The following TBC1D24 variants were observed in gnomAD, a reference collection of about 807,000 sequenced individuals.
TBC1D24 encodes the protein Infantile myoclonic epilepsy.
In TBC1D24, 47 loss-of-function variants were observed where a neutral mutation model predicts 50.7. That is an observed-to-expected ratio of 0.93 (90% CI 0.73 to 1.18). The LOEUF (loss-of-function observed/expected upper bound fraction) is 1.18, where lower values mean the gene tolerates loss of function less well. TBC1D24 is among the 50% of genes most tolerant of loss of function. The probability of loss-of-function intolerance (pLI) is 0.00; values close to 1 mark genes in which losing one functional copy is unlikely to be tolerated. For missense variants in TBC1D24, 688 were observed against 766.5 expected, an observed-to-expected ratio of 0.90 and a Z score of 1.21; for synonymous variants, 324 against 335.2, an observed-to-expected ratio of 0.97 and a Z score of 0.36.
intron 1 of TBC1D24, among the ~76,000 whole-genome samples, chr16:2,494,453 TG>T (rs2065721202): frequency 6.6e-6 from 1 of 151,864 alleles, no homozygotes; most frequent in African/African-American, 2.4e-5. Context: ...AGCATCTCTT[TG>T]CTCAAAGTGA....
chr16:2,500,223 C>A lies in TBC1D24; in HGVS notation c.1303-45C>A. 1 of 1,506,436 alleles carries A rather than the reference C, an allele frequency of 6.6e-7. No individual in the cohort carries two copies. Among genetic ancestry groups the A allele is most frequent in the Non-Finnish European group, 9.0e-7 (1 of 1,105,288 alleles). The allele number at this position is 1,506,436 out of a possible 1,614,324, so 93.3% of individuals were successfully genotyped here. On this transcript the variant is annotated intron_variant, in intron 6 of 7. Coordinates refer to ENST00000646147, the MANE Select transcript of TBC1D24 (RefSeq NM_001199107.2). The surrounding 1 kb of genome is among the most constrained non-coding windows in gnomAD (Gnocchi z 8.0). Reference sequence around the variant, plus strand: ...GGTTGTGGCTCTGGGGCAGAGGGGCCTGCGAACGCCCGCGCCAGCTCCTCA... The same window carrying A: ...GGTTGTGGCTCTGGGGCAGAGGGGCATGCGAACGCCCGCGCCAGCTCCTCA...
In TBC1D24 at chr16:2,496,443, A is replaced by G; in HGVS notation, c.295A>G (p.Thr99Ala). The change falls in exon 2 of 8, where the codon ACG becomes GCG. Residue 99 changes from threonine (T) to alanine (A), a missense_variant. Thr to Ala is a moderately conservative substitution (Grantham distance 58). Coordinates refer to ENST00000646147, the MANE Select transcript of TBC1D24 (RefSeq NM_001199107.2). Reference sequence around the variant, plus strand: ...GCCGCTGCCCGAGTTCGTGGACAACACGCAGGTGCCCAGCTACTGCCTGAA... The same window carrying G: ...GCCGCTGCCCGAGTTCGTGGACAACGCGCAGGTGCCCAGCTACTGCCTGAA... Reference protein sequence around the residue: ...CLPLPEFVDNTQVPSYCLNAR... With the variant: ...CLPLPEFVDNAQVPSYCLNAR... The G allele has an allele frequency of 6.2e-7, 1 of 1,612,670 alleles. No homozygotes were observed. The highest frequency in any genetic ancestry group is 1.1e-5 in the South Asian group (1 of 91,080).
chr16:2,486,329 G>A lies in TBC1D24; in HGVS notation c.-115-9705G>A, dbSNP rs142704595. 7.2e-5 allele frequency among the ~76,000 whole-genome samples: 11 copies of A among 152,258 alleles called. No homozygotes were observed. In the East Asian group the frequency reaches 1.5e-3, roughly 21 times the overall value. On this transcript the variant is annotated intron_variant, in intron 1 of 7. Coordinates refer to ENST00000646147, the MANE Select transcript of TBC1D24 (RefSeq NM_001199107.2). The surrounding 1 kb of genome is among the most constrained non-coding windows in gnomAD (Gnocchi z 5.8). ...TCATTTCCTCTTCCTCTTCATTCCC[G>A]GTCCCACTCCCAGGAAATGGTGAGG...
In TBC1D24 at chr16:2,499,561, A is replaced by C. The variant is rs2065773016; in HGVS notation, c.1206+141A>C. Reference sequence around the variant, plus strand: ...GAGTCAGAGCGTGGGTATGGCCAGCACATGGGGCTCATCCCACACTCAGGG... The same window carrying C: ...GAGTCAGAGCGTGGGTATGGCCAGCCCATGGGGCTCATCCCACACTCAGGG... On this transcript the variant is annotated intron_variant, in intron 5 of 7. Coordinates refer to ENST00000646147, the MANE Select transcript of TBC1D24 (RefSeq NM_001199107.2). This position sits in a 1 kb window ranked among gnomAD's most constrained non-coding sequence, Gnocchi z 4.0. 1.2e-6 allele frequency: 1 copy of C among 802,784 alleles called. No homozygotes were observed. Among genetic ancestry groups the C allele is most frequent in the Non-Finnish European group, 2.1e-6 (1 of 475,308 alleles). 49.7% of individuals were successfully genotyped at this position (802,784 alleles called of 1,614,324 possible).
chr16:2,491,157 A>C, intron 1 of TBC1D24, among the ~76,000 whole-genome samples: 1 of 152,218 alleles, frequency 6.6e-6, no homozygotes, highest in Non-Finnish European at 1.5e-5. Flanking sequence ...GTTTGGCAGG[A>C]TATATACCAA....
rs1596973014 is a variant in TBC1D24 at position 2,500,466 on chromosome 16, G to A, written c.1501G>A (p.Gly501Arg). ...CAAGACCGAGTCCATGTTCATGGCG[G>A]GGGGCAGCGACTGCCTCATCGTCGG... is the stretch of plus-strand genomic sequence containing the variant. ...PSKTESMFMA[G>R]GSDCLIVGGG... is the part of the protein sequence containing the mutation. The change falls in exon 7 of 8, where the codon GGG (glycine) becomes AGG (arginine). Residue 501 changes from glycine to arginine, a missense_variant. Transcript: ENST00000646147. The surrounding 1 kb of genome is among the most constrained non-coding windows in gnomAD (Gnocchi z 8.0). The A allele has an allele frequency of 3.2e-6, 5 of 1,580,544 alleles. No homozygotes were observed. The highest frequency in any genetic ancestry group is 4.3e-6 in the Non-Finnish European group (5 of 1,163,720).
Position 2,496,245 on chromosome 16 carries a change from C to A in TBC1D24, c.97C>A (p.Gln33Lys). The change falls in exon 2 of 8, where the codon CAG becomes AAG. Residue 33 changes from glutamine (Q) to lysine (K), a missense_variant. Coordinates refer to ENST00000646147, the MANE Select transcript of TBC1D24 (RefSeq NM_001199107.2). Reference protein sequence around the residue: ...GPKELSCTELQELKQLARQGY... With the variant: ...GPKELSCTELKELKQLARQGY... ...CAAGGAGCTGAGCTGCACTGAACTG[C>A]AGGAACTGAAGCAGCTGGCGCGCCA... 1 of 1,613,934 alleles carries A rather than the reference C, an allele frequency of 6.2e-7. No individual in the cohort carries two copies. The highest frequency in any genetic ancestry group is 2.2e-5 in the East Asian group (1 of 44,888).
In TBC1D24 at chr16:2,503,392, T is replaced by A. The variant is rs543483107; in HGVS notation, c.*2434T>A. 3 of 152,292 alleles carry A rather than the reference T, an allele frequency of 2.0e-5. No individual in the cohort carries two copies. In the East Asian group the frequency reaches 5.8e-4, roughly 29 times the overall value. 9.4% of individuals were successfully genotyped at this position (152,292 alleles called of 1,614,324 possible). ...AATAGAACATAATTTATTTTGTTAATGTTCTCTATTTCTTCTTGATTATTT... is the reference window on the plus strand; with the variant it reads ...AATAGAACATAATTTATTTTGTTAAAGTTCTCTATTTCTTCTTGATTATTT... On this transcript the variant is annotated 3_prime_UTR_variant, in exon 8 of 8. Transcript: ENST00000646147.
Position 2,485,720 on chromosome 16 carries a change from C to A in TBC1D24, c.-115-10314C>A, listed in dbSNP as rs989877420. Among the ~76,000 whole-genome samples, 1 of 152,200 alleles carries A rather than the reference C, an allele frequency of 6.6e-6. No individual in the cohort carries two copies. The highest frequency in any genetic ancestry group is 2.4e-5 in the African/African-American group (1 of 41,448). ...TGTCGGGATTGAATTGGAGGACACC[C>A]TGCGGGCGCCCGCTGCAGAATGGAT... On this transcript the variant is annotated intron_variant, in intron 1 of 7. Coordinates refer to ENST00000646147, the MANE Select transcript of TBC1D24 (RefSeq NM_001199107.2). The surrounding 1 kb of genome is among the most constrained non-coding windows in gnomAD (Gnocchi z 4.6).
rs1304842957 is a variant in TBC1D24 at position 2,490,390 on chromosome 16, G to A, written c.-115-5644G>A. 2.0e-5 allele frequency among the ~76,000 whole-genome samples: 3 copies of A among 152,200 alleles called. No individual in the cohort carries two copies. The East Asian group carries it at 5.8e-4, about 29-fold the overall frequency. On this transcript the variant is annotated intron_variant, in intron 1 of 7. Coordinates refer to ENST00000646147, the MANE Select transcript of TBC1D24 (RefSeq NM_001199107.2). Reference sequence around the variant, plus strand: ...GTGCCTCTGCAGGGAACTGGAGCCTGGTGGGGAAGCACACTTTAGGTGAAG... The same window carrying A: ...GTGCCTCTGCAGGGAACTGGAGCCTAGTGGGGAAGCACACTTTAGGTGAAG...
rs1567412265 is a variant in TBC1D24, at chr16:2,496,978, CG to C, written c.831del (p.Lys278ArgfsTer34). The C allele has an allele frequency of 2.5e-6, 4 of 1,613,994 alleles. No homozygotes were observed. The South Asian group carries it at 4.4e-5, about 18-fold the overall frequency. On this transcript the variant is annotated frameshift_variant, in exon 2 of 8. Transcript: ENST00000646147. LOFTEE classifies it high-confidence loss of function. ...ATCCGCACGTTCGTCAGAGACATCG[CG>C]AAGACGGTGTCCCCTGAGAAGCTGC... ...QDIRTFVRDI[A>X]KTVSPEKLLE...
In TBC1D24 at chr16:2,475,864, C is replaced by G. The variant is rs908726357; in HGVS notation, c.-116+694C>G. On this transcript the variant is annotated intron_variant, in intron 1 of 7. Coordinates refer to ENST00000646147, the MANE Select transcript of TBC1D24 (RefSeq NM_001199107.2). The surrounding 1 kb of genome is among the most constrained non-coding windows in gnomAD (Gnocchi z 4.2). ...GGCGGGAGTCCCCGCGGCCTGGCCA[C>G]AGGCCTTCTTTGATGGCCGTGCCCC... Among the ~76,000 whole-genome samples, 4 of 152,220 alleles carry G rather than the reference C, an allele frequency of 2.6e-5. No individual in the cohort carries two copies. The highest frequency in any genetic ancestry group is 5.9e-5 in the Non-Finnish European group (4 of 68,038).
rs775207962 is a variant in TBC1D24 at position 2,500,918 on chromosome 16, C to T, written c.1640C>T (p.Ala547Val). 4.3e-6 allele frequency: 7 copies of T among 1,612,792 alleles called. No homozygotes were observed. The East Asian group carries it at 1.3e-4, about 31-fold the overall frequency. ...TGCTCCGAGAACTTCCTCATTGCTG[C>T]CGTGGAGGCCTGGGGCTTCCAGGAC... ...PLCSENFLIAAVEAWGFQDPD... is the reference protein window; with the variant it reads ...PLCSENFLIAVVEAWGFQDPD... Residue 547 changes from alanine to valine, a missense_variant, in exon 8 of 8, where the codon GCC (alanine) becomes GTC (valine). By Grantham distance (64) the Ala-to-Val change is moderately conservative. Transcript: ENST00000646147. This position sits in a 1 kb window ranked among gnomAD's most constrained non-coding sequence, Gnocchi z 8.0.
chr16:2,490,719 G>A (rs2065688752), intron 1 of TBC1D24, among the ~76,000 whole-genome samples: 1 of 152,250 alleles, frequency 6.6e-6, no homozygotes, highest in African/African-American at 2.4e-5. Context: ...GGTTAGGGAA[G>A]ATGCACGGCT....
At chr16:2,493,944 C>G (rs1340284398) in intron 1 of TBC1D24, among the ~76,000 whole-genome samples, 1 of 152,228 alleles carries the variant, frequency 6.6e-6, no homozygotes, top group African/African-American at 2.4e-5. Context: ...CCATTTAGGT[C>G]CCAGCTCTCC....
chr16:2,488,560 A>G (rs1431494034), intron 1 of TBC1D24, among the ~76,000 whole-genome samples: 9 of 119,034 alleles, frequency 7.6e-5, no homozygotes, highest in Admixed American at 3.6e-4. Context: ...GCTGGAGTGC[A>G]GTGTGCAGTG....
At chr16:2,477,784 G>C (rs1376205436) in intron 1 of TBC1D24, 2 of 152,248 alleles carry the variant, frequency 1.3e-5, no homozygotes, top group African/African-American at 4.8e-5. Flanking sequence ...TTGTGGTGGG[G>C]GTGGGGCTCT....
chr16:2,481,179 A>G (rs1437417926), intron 1 of TBC1D24: 2 of 152,272 alleles, frequency 1.3e-5, no homozygotes, highest in South Asian at 2.1e-4. Flanking sequence ...GGGTGGGGCC[A>G]TGCCTCTGTA....
Position 2,496,409 on chromosome 16 carries a change from C to A in TBC1D24, c.261C>A (p.Ser87Arg), listed in dbSNP as rs1397799518. The A allele has an allele frequency of 1.2e-6, 2 of 1,613,094 alleles. No individual in the cohort carries two copies. The highest frequency in any genetic ancestry group is 2.2e-5 in the East Asian group (1 of 44,890). ...GCAAGATCGTGGGCAAGCACAGCAG[C>A]AGCTGCCTGCCGCTGCCCGAGTTCG... ...IVGKIVGKHS[S>R]SCLPLPEFVD... Residue 87 changes from serine to arginine, a missense_variant, in exon 2 of 8, where the codon AGC becomes AGA. By Grantham distance (110) the Ser-to-Arg change is moderately radical. Coordinates refer to ENST00000646147, the MANE Select transcript of TBC1D24 (RefSeq NM_001199107.2).
Sources: allele counts gnomAD v4.1 joint callset (sites outside exome capture counted in the v4.1 genomes callset), GRCh38; gene constraint gnomAD v4.1.1; non-coding constraint Gnocchi (gnomAD v3.1); transcripts MANE v1.5; gene names NCBI Gene and HGNC (gene_info 2026-07-23, HGNC 2026-07-21).